Variants in DCDC1 observed in about 807,000 individuals in gnomAD.
The protein encoded by DCDC1 is doublecortin domain-containing protein 1.
Under a neutral mutation model 178.3 loss-of-function variants are expected in DCDC1, and 200 were observed. The ratio of observed to expected loss-of-function variants is 1.12; its 90% confidence interval spans 1.00 to 1.26. The LOEUF (loss-of-function observed/expected upper bound fraction) is 1.26. Ranked by LOEUF, DCDC1 falls within the 50% of genes most tolerant of loss-of-function variation. The pLI, the probability that DCDC1 is intolerant of heterozygous loss-of-function variation, is 0.00. For synonymous variants in DCDC1, 690 were observed against 604.8 expected (o/e 1.14, Z -2.07); for missense variants, 1,983 against 1,749.2 (o/e 1.13, Z -2.38).
chr11:31,229,393 T>G (rs753203387), intron 9 of DCDC1, among the ~76,000 whole-genome samples: 4 of 152,086 alleles, frequency 2.6e-5, no homozygotes, highest in Non-Finnish European at 5.9e-5. Context: ...ATAAGGAGGA[T>G]AATACATAAT....
At chr11:30,979,204 C>T (rs1172586947) in intron 20 of DCDC1, among the ~76,000 whole-genome samples, 3 of 152,022 alleles carry the variant, frequency 2.0e-5, no homozygotes, top group African/African-American at 4.8e-5. Context: ...CATCACACTT[C>T]GAATAGATCA....
chr11:31,220,591 T>G (rs981338879), intron 9 of DCDC1, among the ~76,000 whole-genome samples: 2 of 152,250 alleles, frequency 1.3e-5, no homozygotes, highest in East Asian at 1.9e-4. Context: ...TTATGTTATA[T>G]TTACACTTTA....
chr11:31,328,071 T>A, intron 3 of DCDC1, 46 bp downstream of exon 3: 1 of 1,532,444 alleles, frequency 6.5e-7, no homozygotes, highest in Non-Finnish European at 8.8e-7. Context: ...TAAACACTTT[T>A]ATCCCCTTCA....
intron 9 of DCDC1, among the ~76,000 whole-genome samples, chr11:31,211,131 T>A (rs1009735890): frequency 2.6e-5 from 4 of 152,196 alleles, no homozygotes. Flanking sequence ...CACCATGACT[T>A]CATGAGCATA....
At chr11:31,240,575 T>C (rs1053110776) in intron 9 of DCDC1, among the ~76,000 whole-genome samples, 1 of 151,964 alleles carries the variant, frequency 6.6e-6, no homozygotes, top group Non-Finnish European at 1.5e-5. Flanking sequence ...CAGAGAATAA[T>C]ATAGCATGAT....
intron 15 of DCDC1, among the ~76,000 whole-genome samples, chr11:31,096,139 C>T (rs957286173): frequency 3.3e-5 from 5 of 152,144 alleles, no homozygotes; most frequent in African/African-American, 1.2e-4. Context: ...ATGAAAGTCA[C>T]TTCTCAAGAG....
chr11:31,019,070 T>C (rs1952689337), intron 20 of DCDC1, among the ~76,000 whole-genome samples: 1 of 152,230 alleles, frequency 6.6e-6, no homozygotes, highest in Non-Finnish European at 1.5e-5. Context: ...TGGGCTTGAG[T>C]CCTGACGTGG....
At chr11:31,194,055 A>C (rs533896794) in intron 9 of DCDC1, among the ~76,000 whole-genome samples, 3 of 152,160 alleles carry the variant, frequency 2.0e-5, no homozygotes, top group East Asian at 3.9e-4. Flanking sequence ...AATCAATGAA[A>C]ATAATGAGGA....
chr11:30,982,484 T>C (rs983139760), intron 20 of DCDC1, among the ~76,000 whole-genome samples: 4 of 151,984 alleles, frequency 2.6e-5, no homozygotes, highest in African/African-American at 9.7e-5. Context: ...TTATGTAGCA[T>C]TAAAGACCAA....
At position 31,037,624 on chromosome 11, in the gene DCDC1, G is replaced by A. The variant is rs187053322; in HGVS notation, c.2591+26845C>T. Among the ~76,000 whole-genome samples the A allele has an allele frequency of 1.8e-3, 267 of 151,716 alleles. 1 individual carries two copies. The highest frequency in any genetic ancestry group is 3.2e-3 in the Non-Finnish European group (219 of 67,906). On this transcript the variant is annotated intron_variant, in intron 20 of 38. Coordinates refer to ENST00000684477, the MANE Select transcript of DCDC1 (RefSeq NM_001387274.1). ...TTTTTACAAAATACAAAATTAGCCC[G>A]GATAATTTTTCGTATTTTTTAGTAG...
chr11:31,078,486 G>T (rs1376952066), intron 17 of DCDC1, among the ~76,000 whole-genome samples: 2 of 152,104 alleles, frequency 1.3e-5, no homozygotes. Context: ...TCTTACAAAG[G>T]TGGAACAAAA....
chr11:30,960,401 T>C (rs1949028458), intron 20 of DCDC1, among the ~76,000 whole-genome samples: 1 of 152,142 alleles, frequency 6.6e-6, no homozygotes. Context: ...TGACACAGAT[T>C]GACCTTTCAT....
At chr11:31,286,330 A>T (rs1042795943) in intron 7 of DCDC1, among the ~76,000 whole-genome samples, 2 of 152,054 alleles carry the variant, frequency 1.3e-5, no homozygotes, top group Admixed American at 1.3e-4. Context: ...GTAACGGAGG[A>T]AAAGTATTCT....
Position 30,979,138 on chromosome 11 carries a change from C to T in DCDC1, c.2592-26570G>A, listed in dbSNP as rs1449836762. On this transcript the variant is annotated intron_variant, in intron 20 of 38. Transcript: ENST00000684477. ...GAGGGAGGGACTTCAAGAAGGCTGA[C>T]TAGAAGCATCTGGGATTCACTCCTC... Among the ~76,000 whole-genome samples the T allele has an allele frequency of 1.2e-4, 12 of 103,824 alleles. No homozygotes were observed. In the Admixed American group the frequency reaches 1.4e-3, roughly 12 times the overall value. 68.1% of individuals were successfully genotyped at this position (103,824 alleles called of 152,430 possible). A position where few individuals can be genotyped will look rare whatever the true frequency, so the allele number is the denominator to read the frequency against.
chr11:30,969,932 T>A (rs1949685080), intron 20 of DCDC1, among the ~76,000 whole-genome samples: 2 of 152,184 alleles, frequency 1.3e-5, no homozygotes, highest in South Asian at 4.1e-4. Context: ...ATTTGCCTCC[T>A]TCACAAAGAA....
chr11:31,202,437 G>A (rs1272621123), intron 9 of DCDC1, among the ~76,000 whole-genome samples: 1 of 151,998 alleles, frequency 6.6e-6, no homozygotes, highest in Non-Finnish European at 1.5e-5. Context: ...TGACTGTGGT[G>A]GCATTTGCTT....
intron 9 of DCDC1, among the ~76,000 whole-genome samples, chr11:31,215,873 T>C (rs1383555220): frequency 1.3e-5 from 2 of 152,132 alleles, no homozygotes; most frequent in Non-Finnish European, 2.9e-5. Context: ...GAGTGGCCTT[T>C]GTTAGTTTCA....
intron 20 of DCDC1, among the ~76,000 whole-genome samples, chr11:31,000,233 T>C (rs1341329306): frequency 6.6e-6 from 1 of 152,210 alleles, no homozygotes; most frequent in African/African-American, 2.4e-5. Context: ...CAATGCCCTA[T>C]ATCAAATGAA....
intron 18 of DCDC1, among the ~76,000 whole-genome samples, chr11:31,074,031 G>C (rs1207387345): frequency 6.6e-6 from 1 of 152,116 alleles, no homozygotes; most frequent in Non-Finnish European, 1.5e-5. Flanking sequence ...TAATCAAATA[G>C]GGAAAGTTGA....
Sources: gnomAD v4.1 joint callset for allele counts (sites outside exome capture counted in the v4.1 genomes callset) on GRCh38, gnomAD v4.1.1 for gene constraint, MANE v1.5 for transcripts, NCBI Gene and HGNC (gene_info 2026-07-23, HGNC 2026-07-21) for gene names.